The following CDIN1 variants were observed in gnomAD, a reference collection of about 807,000 sequenced individuals.
The protein encoded by CDIN1 is CDAN1-interacting nuclease 1.
CDIN1 carries 33 observed loss-of-function variants against 45.3 expected under a neutral mutation model. The ratio of observed to expected loss-of-function variants is 0.73; its 90% CI spans 0.55 to 0.97. CDIN1 has a LOEUF of 0.97. CDIN1 is among the 50% of genes least tolerant of loss of function. The pLI, the probability that CDIN1 is intolerant of heterozygous loss-of-function variation, is 0.00. For missense variants in CDIN1, 303 were observed against 339.4 expected, an observed-to-expected ratio of 0.89 and a Z score of 0.84; for synonymous variants, 118 against 124.4, an observed-to-expected ratio of 0.95 and a Z score of 0.34.
chr15:36,768,112 C>T (rs868020800), intron 10 of CDIN1, among the ~76,000 whole-genome samples: 5 of 152,164 alleles, frequency 3.3e-5, no homozygotes, highest in Admixed American at 6.5e-5. Flanking sequence ...ATAGATTTCA[C>T]GGACAGCCAG....
chr15:36,735,639 ATCTTTG>A (rs2043991436), intron 10 of CDIN1, among the ~76,000 whole-genome samples: 1 of 152,086 alleles, frequency 6.6e-6, no homozygotes, highest in Non-Finnish European at 1.5e-5. Context: ...TTTAAAGTTG[ATCTTTG>A]CATTATTCAT....
At chr15:36,639,930 G>C (rs2040041498) in intron 1 of CDIN1, among the ~76,000 whole-genome samples, 1 of 152,090 alleles carries the variant, frequency 6.6e-6, no homozygotes, top group Admixed American at 6.6e-5. Flanking sequence ...CTGTGGTTAG[G>C]CATAAAATGT....
chr15:36,796,600 G>C (rs1320710542), intron 10 of CDIN1, among the ~76,000 whole-genome samples: 1 of 152,208 alleles, frequency 6.6e-6, no homozygotes, highest in East Asian at 1.9e-4. Context: ...CCCCTACCAG[G>C]CATCTGTCTG....
At chr15:36,682,767 CAAAAAAAAAA>C (rs10706117) in intron 5 of CDIN1, among the ~76,000 whole-genome samples, 3 of 61,406 alleles carry the variant, frequency 4.9e-5, no homozygotes, top group African/African-American at 1.9e-4. Flanking sequence ...AAGACCCTGC[CAAAAAAAAAA>C]AAAAAAAAAG....
In CDIN1 at chr15:36,696,455, A is replaced by G. The variant is rs141813973; in HGVS notation, c.477-868A>G. On this transcript the variant is annotated intron_variant, in intron 7 of 10. Transcript: ENST00000566621. Reference sequence around the variant, plus strand: ...GGCCTGATGACAAATGTGAATTCACAGAAGATTTACAGAATTCTCTAAGAT... The same window carrying G: ...GGCCTGATGACAAATGTGAATTCACGGAAGATTTACAGAATTCTCTAAGAT... 3.5e-3 allele frequency: 537 copies of G among 152,386 alleles called. 1 individual carries two copies. The highest frequency in any genetic ancestry group is 0.012 in the African/African-American group (499 of 41,594). 9.4% of individuals were successfully genotyped at this position (152,386 alleles called of 1,614,324 possible).
At chr15:36,624,488 A>G (rs1025519880) in intron 1 of CDIN1, among the ~76,000 whole-genome samples, 10 of 152,216 alleles carry the variant, frequency 6.6e-5, no homozygotes, top group African/African-American at 2.2e-4. Context: ...TATCATGATG[A>G]TGATGTTGTT....
intron 10 of CDIN1, among the ~76,000 whole-genome samples, chr15:36,718,292 T>A (rs2043285149): frequency 6.6e-6 from 1 of 152,106 alleles, no homozygotes; most frequent in Non-Finnish European, 1.5e-5. Context: ...AAACAGATAG[T>A]AGGTCCTCCA....
chr15:36,781,211 GTTCTTT>G (rs1277162486), intron 10 of CDIN1, among the ~76,000 whole-genome samples: 1 of 152,160 alleles, frequency 6.6e-6, no homozygotes, highest in African/African-American at 2.4e-5. Context: ...AGTTCAAGTT[GTTCTTT>G]TTGAGAGGGC....
intron 1 of CDIN1, among the ~76,000 whole-genome samples, chr15:36,611,778 C>A (rs1013267352): frequency 6.6e-6 from 1 of 152,118 alleles, no homozygotes; most frequent in African/African-American, 2.4e-5. Flanking sequence ...AAATGAATAT[C>A]AAGTTGTTTT....
At chr15:36,807,153 G>A (rs775493771) in intron 10 of CDIN1, among the ~76,000 whole-genome samples, 9 of 152,148 alleles carry the variant, frequency 5.9e-5, no homozygotes, top group East Asian at 3.9e-4. Flanking sequence ...AAACCAGGCC[G>A]TGACATCCAA....
chr15:36,580,020 G>T, intron 1 of CDIN1, 59 bp downstream of exon 1: 1 of 1,467,550 alleles, frequency 6.8e-7, no homozygotes. Flanking sequence ...TGCCTGGGCC[G>T]CCCAGGCAGC....
intron 8 of CDIN1, among the ~76,000 whole-genome samples, chr15:36,697,659 T>G (rs1453564556): frequency 2.6e-5 from 4 of 152,184 alleles, no homozygotes; most frequent in Non-Finnish European, 5.9e-5. Context: ...TCATGAGATA[T>G]TAACCATAAT....
intron 10 of CDIN1, among the ~76,000 whole-genome samples, chr15:36,752,609 T>C (rs1358577523): frequency 6.6e-6 from 1 of 152,254 alleles, no homozygotes; most frequent in Non-Finnish European, 1.5e-5. Flanking sequence ...ACAGTTGTTT[T>C]CTTTCAGAAC....
chr15:36,703,233 T>TATATATATA lies in CDIN1; in HGVS notation c.544+5843_544+5844insATATATATA, dbSNP rs1555397241. On this transcript the variant is annotated intron_variant, in intron 8 of 10. Transcript: ENST00000566621. The stretch of plus-strand genomic sequence containing the variant: ...ACCCTGTCTCAAATATATATATATA[T>TATATATATA]CAGATATATATATATCAGAAAGGGA... Among the ~76,000 whole-genome samples the TATATATATA allele has an allele frequency of 3.1e-5, 2 of 64,098 alleles. 1 individual carries two copies. Among genetic ancestry groups the TATATATATA allele is most frequent in the African/African-American group, 1.5e-4 (2 of 13,700 alleles). 42.1% of individuals were successfully genotyped at this position (64,098 alleles called of 152,430 possible).
intron 10 of CDIN1, among the ~76,000 whole-genome samples, chr15:36,751,229 T>TTATATATATATATATATA (rs10557235): frequency 0.012 from 1,179 of 97,218 alleles, 28 homozygotes; most frequent in African/African-American, 0.018. Context: ...TATGCTTATT[T>TTATATATATATATATATA]TATATATATA....
Position 36,592,922 on chromosome 15 carries a change from T to A in CDIN1, c.101+12961T>A, listed in dbSNP as rs1274336392. On this transcript the variant is annotated intron_variant, in intron 1 of 10. Coordinates refer to ENST00000566621, the MANE Select transcript of CDIN1 (RefSeq NM_001321759.2). Reference sequence around the variant, plus strand: ...CGAGGGTTTATCATGTCAGAAATTATTTCTAGAAAAACTCAAGCTCAGATG... The same window carrying A: ...CGAGGGTTTATCATGTCAGAAATTAATTCTAGAAAAACTCAAGCTCAGATG... Among the ~76,000 whole-genome samples, 10 of 152,334 alleles carry A rather than the reference T, an allele frequency of 6.6e-5. No homozygotes were observed. In the East Asian group the frequency reaches 1.9e-3, roughly 29 times the overall value.
chr15:36,724,664 T>C (rs2043556149), intron 10 of CDIN1, among the ~76,000 whole-genome samples: 1 of 152,130 alleles, frequency 6.6e-6, no homozygotes, highest in Admixed American at 6.5e-5. Flanking sequence ...GAAAAATGCC[T>C]CTTATAAACA....
At chr15:36,697,448 T>C in intron 8 of CDIN1, 58 bp downstream of exon 8, 1 of 1,357,096 alleles carries the variant, frequency 7.4e-7, no homozygotes, top group Non-Finnish European at 1.0e-6. Flanking sequence ...CTTAAATATA[T>C]ATTTTAAAAA....
In CDIN1 at chr15:36,682,709, G is replaced by T. The variant is rs975664224; in HGVS notation, c.347-8976G>T. 2.8e-5 allele frequency among the ~76,000 whole-genome samples: 4 copies of T among 144,864 alleles called. No homozygotes were observed. The Admixed American group carries it at 2.9e-4, about 10-fold the overall frequency. On this transcript the variant is annotated intron_variant, in intron 5 of 10. Coordinates refer to ENST00000566621, the MANE Select transcript of CDIN1 (RefSeq NM_001321759.2). ...ATATTGAGCCTGGAAGGTTGAGGCT[G>T]CAGTAAGTTGAGATCACACCACTGC...
Sources: gnomAD v4.1 joint callset for allele counts (sites outside exome capture counted in the v4.1 genomes callset) on GRCh38, gnomAD v4.1.1 for gene constraint, MANE v1.5 for transcripts, NCBI Gene and HGNC (gene_info 2026-07-23, HGNC 2026-07-21) for gene names.